The following XPR1 variants were observed in gnomAD, a reference collection of about 807,000 sequenced individuals.
XPR1 encodes solute carrier family 53 member 1.
In XPR1, 28 loss-of-function variants were observed where a neutral mutation model predicts 87.5. The ratio of observed to expected loss-of-function variants is 0.32; its 90% CI spans 0.24 to 0.44. The LOEUF is 0.44. Ranked by LOEUF, XPR1 falls within the 20% of genes least tolerant of loss-of-function variation. The pLI is 1.00. For missense variants in XPR1, 559 were observed against 862.3 expected, an observed-to-expected ratio of 0.65 and a Z score of 4.41; for synonymous variants, 300 against 306.1, an observed-to-expected ratio of 0.98 and a Z score of 0.21.
intron 9 of XPR1, among the ~76,000 whole-genome samples, chr1:180,833,185 A>G (rs893969089): frequency 1.3e-5 from 2 of 152,178 alleles, no homozygotes; most frequent in Non-Finnish European, 2.9e-5. Flanking sequence ...AGCACTAAAC[A>G]TGGAAAGAAA....
chr1:180,735,799 T>C (rs570023960), intron 2 of XPR1, among the ~76,000 whole-genome samples: 377 of 152,356 alleles, frequency 2.5e-3, no homozygotes, highest in African/African-American at 2.5e-3. Context: ...AGTAAAAATA[T>C]CATTTTTATT....
intron 2 of XPR1, among the ~76,000 whole-genome samples, chr1:180,715,254 T>C (rs1457609048): frequency 1.3e-5 from 2 of 152,210 alleles, no homozygotes; most frequent in Non-Finnish European, 1.5e-5. Context: ...CTTTACTGAA[T>C]AGGCTACCTC....
intron 11 of XPR1, among the ~76,000 whole-genome samples, chr1:180,856,338 T>G (rs1489804540): frequency 6.6e-6 from 1 of 152,136 alleles, no homozygotes. Flanking sequence ...CTCAACCAAG[T>G]GTAGTCAAAC....
chr1:180,635,732 G>A (rs1654737673), intron 1 of XPR1, among the ~76,000 whole-genome samples: 1 of 152,180 alleles, frequency 6.6e-6, no homozygotes, highest in Non-Finnish European at 1.5e-5. Flanking sequence ...AGCATTGAGA[G>A]TCCGGTCACA....
intron 11 of XPR1, among the ~76,000 whole-genome samples, chr1:180,860,959 C>T (rs1172503224): frequency 6.6e-6 from 1 of 151,954 alleles, no homozygotes; most frequent in Non-Finnish European, 1.5e-5. Flanking sequence ...TTATTAATTC[C>T]TTTTTCATGT....
intron 11 of XPR1, among the ~76,000 whole-genome samples, chr1:180,839,840 C>G (rs1651440432): frequency 6.6e-6 from 1 of 152,156 alleles, no homozygotes; most frequent in Non-Finnish European, 1.5e-5. Context: ...TATGGAGATT[C>G]TAATGAAAGA....
chr1:180,660,044 A>T (rs1655712024), intron 1 of XPR1, among the ~76,000 whole-genome samples: 1 of 151,922 alleles, frequency 6.6e-6, no homozygotes, highest in Non-Finnish European at 1.5e-5. Flanking sequence ...CAATCTTCTT[A>T]CTTGTTATTG....
At chr1:180,883,563 G>A (rs775323117) in intron 14 of XPR1, among the ~76,000 whole-genome samples, 12 of 152,040 alleles carry the variant, frequency 7.9e-5, no homozygotes, top group Admixed American at 6.6e-5. Context: ...ACAAAACTTC[G>A]CCAAGCGTGG....
chr1:180,714,674 A>G (rs1196081218), intron 2 of XPR1, among the ~76,000 whole-genome samples: 10 of 152,118 alleles, frequency 6.6e-5, no homozygotes, highest in African/African-American at 1.9e-4. Context: ...CAAAGTGCTC[A>G]GATTACAGGT....
chr1:180,746,089 A>G (rs556320258), intron 2 of XPR1, among the ~76,000 whole-genome samples: 1 of 151,590 alleles, frequency 6.6e-6, no homozygotes, highest in Admixed American at 6.6e-5. Context: ...CCATACTTTT[A>G]TTTTACTATG....
At chr1:180,859,177 T>C (rs12078652) in intron 11 of XPR1, among the ~76,000 whole-genome samples, 6,554 of 152,312 alleles carry the variant, frequency 0.043, 506 homozygotes, top group African/African-American at 0.15. Context: ...TTAGTACTTT[T>C]CCTTCTCTCT....
intron 9 of XPR1, among the ~76,000 whole-genome samples, chr1:180,826,228 T>C (rs1432832193): frequency 6.6e-6 from 1 of 152,158 alleles, no homozygotes; most frequent in Admixed American, 6.6e-5. Flanking sequence ...GGACTTCTGT[T>C]TACTTGTAAA....
chr1:180,750,723 TTTTC>T (rs1647498948), intron 2 of XPR1, among the ~76,000 whole-genome samples: 1 of 152,116 alleles, frequency 6.6e-6, no homozygotes, highest in African/African-American at 2.4e-5. Context: ...CTATTTTAAC[TTTTC>T]TTAAATTTCC....
At chr1:180,759,969 C>A (rs1335921248) in intron 2 of XPR1, among the ~76,000 whole-genome samples, 2 of 152,188 alleles carry the variant, frequency 1.3e-5, no homozygotes, top group African/African-American at 4.8e-5. Flanking sequence ...ATACGCAAAT[C>A]AATAAATGTA....
chr1:180,821,872 T>C (rs1476164017), intron 7 of XPR1, among the ~76,000 whole-genome samples: 1 of 152,230 alleles, frequency 6.6e-6, no homozygotes, highest in Non-Finnish European at 1.5e-5. Context: ...GAATTTTGTG[T>C]GTTGATCTTG....
chr1:180,666,622 T>C (rs148098232), intron 1 of XPR1, among the ~76,000 whole-genome samples: 58 of 152,366 alleles, frequency 3.8e-4, no homozygotes, highest in South Asian at 1.0e-3. Flanking sequence ...TGGTTGTTAG[T>C]GTATAGAAAT....
intron 1 of XPR1, among the ~76,000 whole-genome samples, chr1:180,681,297 T>C (rs1287325892): frequency 6.6e-6 from 1 of 152,218 alleles, no homozygotes; most frequent in Non-Finnish European, 1.5e-5. Flanking sequence ...ACCATATGTA[T>C]TGAAATATCA....
chr1:180,803,233 C>G (rs1280157229), intron 3 of XPR1, among the ~76,000 whole-genome samples, 155 bp from the exon 4 acceptor site: 1 of 152,050 alleles, frequency 6.6e-6, no homozygotes, highest in Non-Finnish European at 1.5e-5. Context: ...GAGAGTGTTA[C>G]ACAAAAATAT....
chr1:180,752,989 A>G (rs1421997839), intron 2 of XPR1, among the ~76,000 whole-genome samples: 2 of 152,190 alleles, frequency 1.3e-5, no homozygotes, highest in African/African-American at 2.4e-5. Flanking sequence ...GTTGCTCTTA[A>G]TGATTTAAAA....
Sources: allele counts gnomAD v4.1 joint callset (sites outside exome capture counted in the v4.1 genomes callset), GRCh38; gene constraint gnomAD v4.1.1; transcripts MANE v1.5; gene names NCBI Gene and HGNC (gene_info 2026-07-23, HGNC 2026-07-21).